PTPRG: variants seen among roughly 807,000 people sequenced by gnomAD.
PTPRG encodes the protein receptor-type tyrosine-protein phosphatase gamma.
A neutral mutation model predicts 165.3 loss-of-function variants in PTPRG; 102 were observed. The observed-to-expected ratio is 0.62, with a 90% CI of 0.53 to 0.73. The LOEUF is 0.73. Among genes scored for constraint, PTPRG ranks in the 30% least tolerant of loss-of-function variants. The pLI is 0.00. For missense variants in PTPRG, 1,866 were observed against 1,861.4 expected, an observed-to-expected ratio of 1.00 and a Z score of -0.05; for synonymous variants, 675 against 669.5, an observed-to-expected ratio of 1.01 and a Z score of -0.13.
chr3:61,664,779 C>T (rs547086486), intron 1 of PTPRG, among the ~76,000 whole-genome samples: 3 of 152,090 alleles, frequency 2.0e-5, no homozygotes, highest in South Asian at 4.2e-4. Context: ...TGCGGTGAGC[C>T]GAGATCGCGC....
chr3:62,113,121 C>T (rs1367940701), intron 5 of PTPRG, among the ~76,000 whole-genome samples: 1 of 152,142 alleles, frequency 6.6e-6, no homozygotes, highest in African/African-American at 2.4e-5. Context: ...TGCTCCTTAC[C>T]CAGGTCAGGA....
chr3:61,659,010 C>T (rs954943855), intron 1 of PTPRG, among the ~76,000 whole-genome samples: 22 of 151,980 alleles, frequency 1.4e-4, no homozygotes, highest in African/African-American at 5.1e-4. Flanking sequence ...TAGCCTTCTA[C>T]CTAGGAGCAT....
At chr3:62,006,147 TTTTTC>T (rs1409974648) in intron 4 of PTPRG, among the ~76,000 whole-genome samples, 3 of 152,172 alleles carry the variant, frequency 2.0e-5, no homozygotes. Context: ...TGTTTGGATG[TTTTTC>T]TTTTAAGTAA....
chr3:62,121,299 A>G (rs542410331), intron 5 of PTPRG, among the ~76,000 whole-genome samples: 1 of 152,136 alleles, frequency 6.6e-6, no homozygotes, highest in South Asian at 2.1e-4. Flanking sequence ...GAACTGTGCT[A>G]AATACTCACG....
chr3:61,873,235 G>A (rs2037631611), intron 2 of PTPRG, among the ~76,000 whole-genome samples: 1 of 152,162 alleles, frequency 6.6e-6, no homozygotes, highest in African/African-American at 2.4e-5. Context: ...ACTGGCTACA[G>A]CCTCAATGAC....
chr3:62,153,109 C>T (rs751127092), intron 6 of PTPRG, among the ~76,000 whole-genome samples: 2 of 152,212 alleles, frequency 1.3e-5, no homozygotes, highest in African/African-American at 2.4e-5. Flanking sequence ...TAAGTACCTA[C>T]ATAACATCTT....
intron 2 of PTPRG, among the ~76,000 whole-genome samples, chr3:61,916,640 C>G (rs2038943421): frequency 6.6e-6 from 1 of 152,072 alleles, no homozygotes; most frequent in Non-Finnish European, 1.5e-5. Flanking sequence ...TTATATTTAT[C>G]TTTTAATCAT....
intron 12 of PTPRG, among the ~76,000 whole-genome samples, chr3:62,206,623 T>G (rs1700236065): frequency 6.6e-6 from 1 of 152,038 alleles, no homozygotes; most frequent in Non-Finnish European, 1.5e-5. Flanking sequence ...GGTCCCCAAG[T>G]AACTGCCATT....
intron 4 of PTPRG, among the ~76,000 whole-genome samples, chr3:62,009,908 A>G (rs2041378516): frequency 2.0e-5 from 3 of 151,376 alleles, no homozygotes; most frequent in Middle Eastern, 3.4e-3. Context: ...GAATAAGTTT[A>G]TGTATACATA....
chr3:61,880,833 G>T (rs529118610), intron 2 of PTPRG, among the ~76,000 whole-genome samples: 4 of 152,192 alleles, frequency 2.6e-5, no homozygotes, highest in South Asian at 2.1e-4. Flanking sequence ...TTAGCATTCA[G>T]AGTAGTAACC....
chr3:62,197,572 C>T (rs1699996680), intron 10 of PTPRG, among the ~76,000 whole-genome samples: 1 of 152,090 alleles, frequency 6.6e-6, no homozygotes. Context: ...AAGGCCAGGT[C>T]TGTGCTGGCC....
intron 2 of PTPRG, among the ~76,000 whole-genome samples, chr3:61,830,400 T>G (rs1177658692): frequency 6.6e-6 from 1 of 151,804 alleles, no homozygotes; most frequent in African/African-American, 2.4e-5. Flanking sequence ...CCCAGAAATC[T>G]GTCAATCTCT....
intron 1 of PTPRG, among the ~76,000 whole-genome samples, chr3:61,676,564 A>G (rs754938251): frequency 6.6e-6 from 1 of 151,534 alleles, no homozygotes; most frequent in Non-Finnish European, 1.5e-5. Flanking sequence ...ACACACAAAC[A>G]CACACACAAT....
At chr3:61,954,103 G>A (rs540451785) in intron 2 of PTPRG, among the ~76,000 whole-genome samples, 1 of 152,098 alleles carries the variant, frequency 6.6e-6, no homozygotes, top group Non-Finnish European at 1.5e-5. Context: ...TAATTTTGAC[G>A]ATGCCCTGCT....
At chr3:62,043,991 G>A (rs1700208212) in intron 4 of PTPRG, among the ~76,000 whole-genome samples, 1 of 152,202 alleles carries the variant, frequency 6.6e-6, no homozygotes, top group Non-Finnish European at 1.5e-5. Flanking sequence ...AATTTTCTCT[G>A]TAGGGTATTT....
chr3:62,142,553 T>A, intron 6 of PTPRG, among the ~76,000 whole-genome samples: 1 of 152,144 alleles, frequency 6.6e-6, no homozygotes, highest in East Asian at 1.9e-4. Flanking sequence ...ATTCAGACAT[T>A]GCTTTCCTCT....
intron 3 of PTPRG, among the ~76,000 whole-genome samples, chr3:61,996,739 A>T (rs1186611340): frequency 1.3e-5 from 2 of 152,180 alleles, no homozygotes; most frequent in African/African-American, 4.8e-5. Context: ...CCTGTTTCAA[A>T]GGCCCACATT....
chr3:62,040,838 T>C (rs960374408), intron 4 of PTPRG, among the ~76,000 whole-genome samples: 1 of 152,218 alleles, frequency 6.6e-6, no homozygotes, highest in African/African-American at 2.4e-5. Flanking sequence ...ACACTTTGAT[T>C]TCTATTTTGA....
In PTPRG at chr3:62,026,763, G is replaced by A. The variant is rs555502553; in HGVS notation, c.519+23266G>A. 2.6e-5 allele frequency among the ~76,000 whole-genome samples: 4 copies of A among 151,742 alleles called. No individual in the cohort carries two copies. In the South Asian group the frequency reaches 8.3e-4, roughly 32 times the overall value. On this transcript the variant is annotated intron_variant, in intron 4 of 29. Transcript: ENST00000474889. The stretch of plus-strand genomic sequence containing the variant: ...TAGCCAGGCGTGGTGGCACGTGCCT[G>A]TAGTCCCAGCTACTCAGGAGTCTGA...
Sources: allele counts gnomAD v4.1 joint callset (sites outside exome capture counted in the v4.1 genomes callset), GRCh38; gene constraint gnomAD v4.1.1; transcripts MANE v1.5; gene names NCBI Gene and HGNC (gene_info 2026-07-23, HGNC 2026-07-21).